The following TDP1 variants were observed in gnomAD, a reference collection of about 807,000 sequenced individuals.
The protein encoded by TDP1 is tyrosyl-DNA phosphodiesterase 1, also known as tyr-DNA phosphodiesterase 1.
A neutral mutation model predicts 81.5 loss-of-function variants in TDP1; 64 were observed. The observed-to-expected ratio is 0.79, with a 90% CI of 0.64 to 0.97. The LOEUF (loss-of-function observed/expected upper bound fraction) is 0.97, where lower values mean the gene tolerates loss of function less well. Ranked by LOEUF, TDP1 falls within the 50% of genes least tolerant of loss-of-function variation. The probability of loss-of-function intolerance (pLI) is 0.00; values close to 1 mark genes in which losing one functional copy is unlikely to be tolerated. For synonymous variants in TDP1, 256 were observed against 264.3 expected (o/e 0.97, Z 0.30); for missense variants, 723 against 743.8 (o/e 0.97, Z 0.33).
chr14:89,969,876 CTT>C (rs5810477), intron 5 of TDP1, among the ~76,000 whole-genome samples: 7 of 122,840 alleles, frequency 5.7e-5, no homozygotes, highest in African/African-American at 9.2e-5. Flanking sequence ...ATACTTATTT[CTT>C]TTTTTTTTTT....
intron 7 of TDP1, among the ~76,000 whole-genome samples, chr14:89,976,037 G>A (rs954508376): frequency 9.9e-5 from 15 of 152,138 alleles, no homozygotes; most frequent in African/African-American, 3.6e-4. Flanking sequence ...CCAGGTTTAG[G>A]TATGTGATTT....
chr14:89,989,359 C>T, intron 11 of TDP1: 2 of 985,300 alleles, frequency 2.0e-6, no homozygotes, highest in Non-Finnish European at 2.4e-6. Context: ...TTTTTCTATC[C>T]TTTCTTTCAG....
intron 7 of TDP1, among the ~76,000 whole-genome samples, chr14:89,978,452 C>T (rs1439858186): frequency 6.6e-6 from 1 of 152,212 alleles, no homozygotes; most frequent in African/African-American, 2.4e-5. Flanking sequence ...AGTTCTCTTC[C>T]CCCTTTGCAG....
At chr14:90,037,125 T>C (rs1299193664) in intron 16 of TDP1, among the ~76,000 whole-genome samples, 2 of 152,214 alleles carry the variant, frequency 1.3e-5, no homozygotes, top group African/African-American at 4.8e-5. Flanking sequence ...AGAAGGCTTT[T>C]ATAAAGCAAA....
chr14:90,028,743 A>G (rs1886929050), intron 15 of TDP1, among the ~76,000 whole-genome samples: 1 of 152,208 alleles, frequency 6.6e-6, no homozygotes, highest in Non-Finnish European at 1.5e-5. Flanking sequence ...TTCAAAATAA[A>G]AGCATATTGG....
chr14:90,031,809 A>G (rs1887316985), intron 15 of TDP1, among the ~76,000 whole-genome samples: 1 of 152,128 alleles, frequency 6.6e-6, no homozygotes, highest in African/African-American at 2.4e-5. Flanking sequence ...CCACCTGACC[A>G]AACTCTGCTC....
intron 3 of TDP1, 145 bp from the exon 4 acceptor site, chr14:89,966,002 A>C (rs535228177): frequency 3.0e-6 from 3 of 1,012,322 alleles, no homozygotes; most frequent in African/African-American, 3.3e-5. Context: ...ATGAAACATT[A>C]AAGTCTGACT....
intron 8 of TDP1, chr14:89,983,220 G>T (rs1935167530): frequency 6.7e-6 from 3 of 444,784 alleles, no homozygotes; most frequent in Non-Finnish European, 1.3e-5. Flanking sequence ...AGCCCAACCT[G>T]GTCATTTTAC....
chr14:89,994,458 AGT>A (rs996464112), intron 14 of TDP1, among the ~76,000 whole-genome samples: 2 of 152,244 alleles, frequency 1.3e-5, no homozygotes, highest in African/African-American at 4.8e-5. Context: ...TTTCCCTCAA[AGT>A]GTAATAAAAA....
At chr14:90,013,416 G>A (rs1402262681) in intron 14 of TDP1, among the ~76,000 whole-genome samples, 1 of 152,052 alleles carries the variant, frequency 6.6e-6, no homozygotes, top group Non-Finnish European at 1.5e-5. Context: ...ATAGTGAATA[G>A]GTCTCACGAG....
At chr14:89,971,084 C>A in intron 5 of TDP1, 91 bp from the exon 6 acceptor site, 2 of 1,100,654 alleles carry the variant, frequency 1.8e-6, no homozygotes, top group Non-Finnish European at 2.7e-6. Context: ...AGTCCACCTG[C>A]CTCGGCCTCC....
chr14:90,037,506 A>C (rs527446763), intron 16 of TDP1, among the ~76,000 whole-genome samples: 8 of 152,236 alleles, frequency 5.3e-5, no homozygotes, highest in Admixed American at 3.9e-4. Flanking sequence ...CTTATATAGT[A>C]TTTTTTTCCT....
chr14:89,972,178 C>T (rs905875989), intron 6 of TDP1, among the ~76,000 whole-genome samples: 8 of 152,100 alleles, frequency 5.3e-5, no homozygotes, highest in Admixed American at 1.3e-4. Context: ...AATTGGCTCA[C>T]GGTTCTGCAG....
chr14:90,028,829 C>G (rs893404924), intron 15 of TDP1, among the ~76,000 whole-genome samples: 1 of 152,118 alleles, frequency 6.6e-6, no homozygotes, highest in Non-Finnish European at 1.5e-5. Context: ...ATGGGTCGAG[C>G]ACACAGCCTC....
At chr14:89,980,322 T>C in intron 7 of TDP1, 6 of 985,112 alleles carry the variant, frequency 6.1e-6, no homozygotes, top group Non-Finnish European at 7.2e-6. Flanking sequence ...AAAGTTCTTT[T>C]ACCACCAAAT....
chr14:90,033,560 A>T, intron 16 of TDP1: 1 of 321,688 alleles, frequency 3.1e-6, no homozygotes, highest in South Asian at 2.9e-5. Context: ...ACATGATCAG[A>T]CCTCTTAAAT....
chr14:89,986,182 T>C (rs1419591536), intron 10 of TDP1, among the ~76,000 whole-genome samples: 1 of 152,246 alleles, frequency 6.6e-6, no homozygotes, highest in Non-Finnish European at 1.5e-5. Flanking sequence ...GCAGGCAAGA[T>C]CTTGAAGACA....
At chr14:90,016,824 T>C (rs773163096) in intron 14 of TDP1, among the ~76,000 whole-genome samples, 33 of 152,178 alleles carry the variant, frequency 2.2e-4, no homozygotes, top group Non-Finnish European at 3.7e-4. Flanking sequence ...AACATGACTT[T>C]AGTAAGGGTT....
chr14:90,043,565 T>A lies in TDP1; in HGVS notation c.*422T>A. The A allele has an allele frequency of 4.3e-6, 1 of 233,756 alleles. No individual in the cohort carries two copies. Among genetic ancestry groups the A allele is most frequent in the East Asian group, 1.1e-4 (1 of 9,124 alleles). 14.5% of individuals were successfully genotyped at this position (233,756 alleles called of 1,614,324 possible). On this transcript the variant is annotated 3_prime_UTR_variant, in exon 17 of 17. Transcript: ENST00000335725. ...TGTTTCATATACACCTTATATACAATAACCTAAAGGTGATTTTATATGATA... is the reference window on the plus strand; with the variant it reads ...TGTTTCATATACACCTTATATACAAAAACCTAAAGGTGATTTTATATGATA...
Sources: allele counts gnomAD v4.1 joint callset (sites outside exome capture counted in the v4.1 genomes callset), GRCh38; gene constraint gnomAD v4.1.1; transcripts MANE v1.5; gene names NCBI Gene and HGNC (gene_info 2026-07-23, HGNC 2026-07-21).